Variants in PRKD3 observed in about 807,000 individuals in gnomAD.
PRKD3 encodes serine/threonine-protein kinase D3.
Under a neutral mutation model 99.2 loss-of-function variants are expected in PRKD3, and 47 were observed. The observed-to-expected ratio is 0.47, with a 90% confidence interval of 0.38 to 0.60. The LOEUF (loss-of-function observed/expected upper bound fraction) is 0.60, where lower values mean the gene tolerates loss of function less well. Among genes scored for constraint, PRKD3 ranks in the 20% least tolerant of loss-of-function variants. The pLI is 0.00. For synonymous variants in PRKD3, 392 were observed against 355.4 expected (o/e 1.10, Z -1.16); for missense variants, 1,019 against 1,088.4 (o/e 0.94, Z 0.90).
intron 2 of PRKD3, among the ~76,000 whole-genome samples, chr2:37,299,638 G>A (rs1203480542): frequency 6.6e-6 from 1 of 151,586 alleles, no homozygotes; most frequent in Non-Finnish European, 1.5e-5. Context: ...CTATTCAACT[G>A]ACAAGGGGTT....
intron 15 of PRKD3, 120 bp from the exon 16 acceptor site, chr2:37,259,801 G>C: frequency 1.5e-6 from 1 of 669,282 alleles, no homozygotes; most frequent in Non-Finnish European, 2.6e-6. Context: ...AGCTAAAAGT[G>C]TGTTATTCTG....
intron 11 of PRKD3, 72 bp downstream of exon 11, chr2:37,274,349 G>T: frequency 6.5e-7 from 1 of 1,533,362 alleles, no homozygotes; most frequent in South Asian, 1.2e-5. Flanking sequence ...AGGAACAAAG[G>T]AACACAACCA....
intron 13 of PRKD3, chr2:37,268,866 T>G (rs559906730): frequency 7.8e-5 from 12 of 154,138 alleles, no homozygotes; most frequent in African/African-American, 2.9e-4. Flanking sequence ...TATGAATCTG[T>G]AGATGACTGT....
chr2:37,271,035 T>C (rs974254932), intron 12 of PRKD3, among the ~76,000 whole-genome samples: 6 of 152,214 alleles, frequency 3.9e-5, no homozygotes, highest in Non-Finnish European at 7.3e-5. Flanking sequence ...AAGAGACTCA[T>C]AGATTATATC....
chr2:37,285,866 TTAATAG>T (rs1398001185), intron 6 of PRKD3, among the ~76,000 whole-genome samples: 8 of 152,278 alleles, frequency 5.3e-5, no homozygotes, highest in South Asian at 4.1e-4. Context: ...CTATTAGTAG[TTAATAG>T]TAATAGTAAC....
chr2:37,293,102 A>G lies in PRKD3; in HGVS notation c.427+31T>C, dbSNP rs187804327. 1.9e-5 allele frequency: 29 copies of G among 1,519,670 alleles called. No homozygotes were observed. The African/African-American group carries it at 3.5e-4, about 19-fold the overall frequency. 94.1% of individuals were successfully genotyped at this position (1,519,670 alleles called of 1,614,324 possible). A position where few individuals can be genotyped will look rare whatever the true frequency, so the allele number is the denominator to read the frequency against. ...GAAAATTAGGCTCTTTGAGGGGAAA[A>G]GGCAATCACTCTAAAAAGCCACTTA... On this transcript the variant is annotated intron_variant, in intron 3 of 18. Coordinates refer to ENST00000234179, the MANE Select transcript of PRKD3 (RefSeq NM_005813.6).
At chr2:37,321,775 G>A (rs1462518055) in intron 1 of PRKD3, among the ~76,000 whole-genome samples, 2 of 152,146 alleles carry the variant, frequency 1.3e-5, no homozygotes, top group Admixed American at 6.5e-5. Flanking sequence ...GGAATCTCAG[G>A]AAAGGTACCT....
chr2:37,273,157 G>A (rs1173199547), intron 11 of PRKD3, among the ~76,000 whole-genome samples: 1 of 151,772 alleles, frequency 6.6e-6, no homozygotes, highest in Non-Finnish European at 1.5e-5. Flanking sequence ...TTGTTTTTTG[G>A]TACTTTAATA....
At chr2:37,289,819 G>A (rs1022073490) in intron 4 of PRKD3, among the ~76,000 whole-genome samples, 2 of 152,138 alleles carry the variant, frequency 1.3e-5, no homozygotes, top group Non-Finnish European at 2.9e-5. Flanking sequence ...TAGAAACTAC[G>A]GGGATGAGGC....
At chr2:37,262,091 T>TC (rs976788041) in intron 14 of PRKD3, among the ~76,000 whole-genome samples, 1 of 152,152 alleles carries the variant, frequency 6.6e-6, no homozygotes, top group Non-Finnish European at 1.5e-5. Flanking sequence ...TTTTCAAACT[T>TC]AAGATGGGTT....
chr2:37,270,857 T>C (rs1055122100), intron 12 of PRKD3, among the ~76,000 whole-genome samples: 1 of 152,192 alleles, frequency 6.6e-6, no homozygotes, highest in Admixed American at 6.5e-5. Context: ...TATGTATGTG[T>C]ATATATATTT....
At chr2:37,269,393 C>A (rs1669067992) in intron 13 of PRKD3, 3 of 541,666 alleles carry the variant, frequency 5.5e-6, no homozygotes, top group Non-Finnish European at 9.9e-6. Flanking sequence ...ATAAAACACA[C>A]TGTAAAATTT....
In PRKD3 at chr2:37,317,540, T is replaced by C. The variant is rs1215216876; in HGVS notation, c.-655-361A>G. Among the ~76,000 whole-genome samples the C allele has an allele frequency of 4.6e-5, 7 of 152,072 alleles. No homozygotes were observed. In the East Asian group the frequency reaches 1.3e-3, roughly 29 times the overall value. On this transcript the variant is annotated intron_variant, in intron 1 of 18. Coordinates refer to ENST00000234179, the MANE Select transcript of PRKD3 (RefSeq NM_005813.6). ...GGACAAAAAACAGTAAAACTGACAT[T>C]TTCATAGACATACAATACATGCCAC... is the stretch of plus-strand genomic sequence containing the variant.
intron 10 of PRKD3, among the ~76,000 whole-genome samples, 178 bp from the exon 11 acceptor site, chr2:37,274,875 C>A (rs1281627060): frequency 6.6e-6 from 1 of 152,132 alleles, no homozygotes; most frequent in Admixed American, 6.5e-5. Context: ...GCTGCAATGT[C>A]CAGCAATGCC....
At position 37,274,660 on chromosome 2, in the gene PRKD3, G is replaced by A; in HGVS notation, c.1412C>T (p.Pro471Leu). The change falls in exon 11 of 19, where the codon CCA becomes CTA. Residue 471 changes from proline (P) to leucine (L), a missense_variant. Coordinates refer to ENST00000234179, the MANE Select transcript of PRKD3 (RefSeq NM_005813.6). ...PLSEILRISS[P>L]RDFTNISQGS... is the part of the protein sequence containing the mutation. ...TTGTGAAATGTTTGTGAAATCTCGT[G>A]GTGAAGATATGCGGAGAATTTCTGA... is the stretch of plus-strand genomic sequence containing the variant. The A allele has an allele frequency of 6.2e-7, 1 of 1,613,816 alleles. No individual in the cohort carries two copies.
At chr2:37,269,722 T>C in intron 12 of PRKD3, 35 bp from the exon 13 acceptor site, 4 of 1,415,654 alleles carry the variant, frequency 2.8e-6, no homozygotes, top group Non-Finnish European at 4.0e-6. Context: ...GTATTATTTA[T>C]TTCTATAATA....
chr2:37,301,347 A>C (rs535294145), intron 2 of PRKD3, among the ~76,000 whole-genome samples: 1 of 151,518 alleles, frequency 6.6e-6, no homozygotes, highest in Non-Finnish European at 1.5e-5. Context: ...AGGAGAACAA[A>C]GAACAAAGGA....
intron 2 of PRKD3, among the ~76,000 whole-genome samples, chr2:37,297,420 C>T (rs1670721323): frequency 6.6e-6 from 1 of 152,028 alleles, no homozygotes; most frequent in Admixed American, 6.6e-5. Context: ...TACCCAGTTT[C>T]CCCTATTATT....
chr2:37,267,667 A>G (rs1668939720), intron 13 of PRKD3, 131 bp from the exon 14 acceptor site: 2 of 664,170 alleles, frequency 3.0e-6, no homozygotes, highest in Non-Finnish European at 5.1e-6. Context: ...CTTTCTCCAC[A>G]CTCCTTCACT....
Sources: gnomAD v4.1 joint callset for allele counts (sites outside exome capture counted in the v4.1 genomes callset) on GRCh38, gnomAD v4.1.1 for gene constraint, MANE v1.5 for transcripts, NCBI Gene and HGNC (gene_info 2026-07-23, HGNC 2026-07-21) for gene names.